ACLY: variants seen among roughly 807,000 people sequenced by gnomAD.
ACLY encodes ATP-citrate synthase.
ACLY carries 41 observed loss-of-function variants against 133.0 expected under a neutral mutation model. The observed-to-expected ratio is 0.31, with a 90% CI of 0.24 to 0.40. The LOEUF (loss-of-function observed/expected upper bound fraction) is 0.40. ACLY is among the 10% of genes least tolerant of loss of function. ACLY has a pLI of 1.00. For missense variants in ACLY, 1,046 were observed against 1,453.8 expected, an observed-to-expected ratio of 0.72 and a Z score of 4.56; for synonymous variants, 495 against 549.3, an observed-to-expected ratio of 0.90 and a Z score of 1.38.
In ACLY at chr17:41,884,237, A is replaced by G. The variant is rs2048993083; in HGVS notation, c.2110T>C (p.Tyr704His). 4 of 1,612,930 alleles carry G rather than the reference A, an allele frequency of 2.5e-6. No homozygotes were observed. The highest frequency in any genetic ancestry group is 3.4e-6 in the Non-Finnish European group (4 of 1,178,994). ...GSTFMDHVLR[Y>H]QDTPGVKMIV... ...ATTTTGACTCCTGGAGTGTCCTGAT[A>G]GCGTAACACATGATCCATGAATGTG... The change falls in exon 19 of 29, where the codon TAT becomes CAT. Residue 704 changes from tyrosine (Y) to histidine (H), a missense_variant. By Grantham distance (83) the Tyr-to-His change is moderately conservative (BLOSUM62 2). Coordinates refer to ENST00000352035, the MANE Select transcript of ACLY (RefSeq NM_001096.3).
At chr17:41,906,727 C>T in intron 7 of ACLY, 81 bp from the exon 8 acceptor site, 1 of 1,286,458 alleles carries the variant, frequency 7.8e-7, no homozygotes, top group Non-Finnish European at 1.1e-6. Flanking sequence ...TCCCCGCTTT[C>T]CCTGGAAGCA....
At chr17:41,880,511 ACT>A (rs1399583575) in intron 20 of ACLY, among the ~76,000 whole-genome samples, 3 of 152,166 alleles carry the variant, frequency 2.0e-5, no homozygotes, top group Admixed American at 6.5e-5. Flanking sequence ...GTTTCTTGTA[ACT>A]CTGGATTTCT....
chr17:41,916,531 G>A (rs1398008472), intron 1 of ACLY, among the ~76,000 whole-genome samples: 16 of 63,802 alleles, frequency 2.5e-4, no homozygotes, highest in African/African-American at 6.7e-4. Flanking sequence ...ACGCCACCAC[G>A]CCCATCTAAT....
chr17:41,911,148 G>A (rs2049890525), intron 3 of ACLY, among the ~76,000 whole-genome samples: 1 of 152,158 alleles, frequency 6.6e-6, no homozygotes, highest in African/African-American at 2.4e-5. Context: ...TACCCATGAG[G>A]GCCAGAAACT....
At chr17:41,880,324 C>T (rs140253022) in intron 20 of ACLY, among the ~76,000 whole-genome samples, 1 of 152,304 alleles carries the variant, frequency 6.6e-6, no homozygotes, top group African/African-American at 2.4e-5. Flanking sequence ...GTGCTCTTCA[C>T]CATGCAAACA....
At chr17:41,877,938 C>T (rs1432916708) in intron 22 of ACLY, among the ~76,000 whole-genome samples, 165 bp downstream of exon 22, 4 of 152,046 alleles carry the variant, frequency 2.6e-5, no homozygotes, top group Admixed American at 6.6e-5. Context: ...TTAATAAACT[C>T]TCCTTTATAT....
intron 25 of ACLY, among the ~76,000 whole-genome samples, chr17:41,869,805 T>C (rs2048554582): frequency 6.6e-6 from 1 of 152,192 alleles, no homozygotes. Context: ...ACAACCTTGG[T>C]AGGTTCTCAC....
intron 10 of ACLY, 88 bp from the exon 11 acceptor site, chr17:41,901,901 T>C (rs1268470934): frequency 2.9e-6 from 3 of 1,018,884 alleles, no homozygotes; most frequent in Non-Finnish European, 4.4e-6. Flanking sequence ...ACCAGGTATA[T>C]GTGACAAGTG....
intron 14 of ACLY, among the ~76,000 whole-genome samples, chr17:41,894,750 G>A (rs933821953): frequency 1.3e-5 from 2 of 152,066 alleles, no homozygotes; most frequent in Non-Finnish European, 1.5e-5. Context: ...CTTTTACCAC[G>A]CTTCAGGCAG....
intron 23 of ACLY, 45 bp downstream of exon 23, chr17:41,873,766 A>G: frequency 6.7e-7 from 1 of 1,495,282 alleles, no homozygotes; most frequent in Non-Finnish European, 9.0e-7. Flanking sequence ...AAAATCATTA[A>G]CTCTGAGCTG....
intron 11 of ACLY, among the ~76,000 whole-genome samples, chr17:41,900,395 A>AG (rs71155188): frequency 1.3e-5 from 2 of 150,602 alleles, no homozygotes; most frequent in African/African-American, 4.9e-5. Flanking sequence ...AAGAAAAAAA[A>AG]TTAACCCTAT....
At chr17:41,895,543 C>A (rs868961387) in intron 14 of ACLY, among the ~76,000 whole-genome samples, 2 of 152,220 alleles carry the variant, frequency 1.3e-5, no homozygotes, top group Admixed American at 6.5e-5. Context: ...AGGGCTCGCT[C>A]AGCCATAATC....
At position 41,905,765 on chromosome 17, in the gene ACLY, G is replaced by A. The variant is rs1485115552; in HGVS notation, c.867-107C>T. 56 of 1,395,156 alleles carry A rather than the reference G, an allele frequency of 4.0e-5. 1 individual carries two copies. The highest frequency in any genetic ancestry group is 2.8e-4 in the South Asian group (23 of 81,860). The allele number at this position is 1,395,156 out of a possible 1,614,324, so 86.4% of individuals were successfully genotyped here. On this transcript the variant is annotated intron_variant, in intron 8 of 28. Coordinates refer to ENST00000352035, the MANE Select transcript of ACLY (RefSeq NM_001096.3). ...TCCCTCAAAACACTGGAGTTAGCCT[G>A]TGGAACCGGCCTCTTGGATCTCCAG...
intron 20 of ACLY, among the ~76,000 whole-genome samples, chr17:41,882,304 T>A (rs1359205787): frequency 1.6e-5 from 2 of 123,560 alleles, no homozygotes; most frequent in Admixed American, 1.1e-4. Context: ...GAGGCGGAGG[T>A]TGCAGTGAGC....
intron 10 of ACLY, among the ~76,000 whole-genome samples, chr17:41,902,596 A>T (rs1338529356): frequency 6.6e-6 from 1 of 152,254 alleles, no homozygotes; most frequent in Non-Finnish European, 1.5e-5. Context: ...CTGTTTCTCA[A>T]GACAGAGGCT....
intron 6 of ACLY, among the ~76,000 whole-genome samples, chr17:41,908,501 C>T (rs1283737287): frequency 1.3e-5 from 2 of 152,218 alleles, no homozygotes; most frequent in Admixed American, 6.5e-5. Flanking sequence ...TGGTGGCTCA[C>T]GCCTGTAATC....
Position 41,909,530 on chromosome 17 carries a change from G to A in ACLY, c.516C>T (p.His172=), listed in dbSNP as rs781887705. The change falls in exon 5 of 29, where the codon CAC becomes CAT. Residue 172 remains histidine (H), a synonymous_variant. Coordinates refer to ENST00000352035, the MANE Select transcript of ACLY (RefSeq NM_001096.3). The stretch of plus-strand genomic sequence containing the variant: ...TCAACTCTTTCTTGTCTTCAGGGGC[G>A]TGGACCAACAGGTGTTTTTTGATGT... The part of the protein sequence containing the change: ...PEDIKKHLLV[H]APEDKKEILA... The A allele has an allele frequency of 1.2e-5, 20 of 1,614,112 alleles. No homozygotes were observed. The East Asian group carries it at 4.2e-4, about 34-fold the overall frequency.
intron 10 of ACLY, among the ~76,000 whole-genome samples, chr17:41,903,625 G>A (rs1325542497): frequency 2.0e-5 from 3 of 151,696 alleles, no homozygotes; most frequent in East Asian, 3.9e-4. Flanking sequence ...GTGTGGTGGC[G>A]GGCACCTGTA....
At position 41,892,240 on chromosome 17, in the gene ACLY, T is replaced by TGGGGGGGGGGGGGGGGGGGGGGGGGGGG; in HGVS notation, c.1770+38_1770+39insCCCCCCCCCCCCCCCCCCCCCCCCCCCC. ...CAGTGATCTACCTGCGCATAGTTCA[T>TGGGGGGGGGGGGGGGGGGGGGGGGGGGG]GGTCCCCACCCCCCACCCTCCAGAG... On this transcript the variant is annotated intron_variant, in intron 16 of 28. Coordinates refer to ENST00000352035, the MANE Select transcript of ACLY (RefSeq NM_001096.3). 4.5e-5 allele frequency: 18 copies of TGGGGGGGGGGGGGGGGGGGGGGGGGGGG among 400,158 alleles called. 2 individuals are homozygous for TGGGGGGGGGGGGGGGGGGGGGGGGGGGG. Among genetic ancestry groups the TGGGGGGGGGGGGGGGGGGGGGGGGGGGG allele is most frequent in the Non-Finnish European group, 6.4e-5 (16 of 251,756 alleles). The allele number at this position is 400,158 out of a possible 1,614,324, so 24.8% of individuals were successfully genotyped here.
Sources: allele counts gnomAD v4.1 joint callset (sites outside exome capture counted in the v4.1 genomes callset), GRCh38; gene constraint gnomAD v4.1.1; transcripts MANE v1.5; gene names NCBI Gene and HGNC (gene_info 2026-07-23, HGNC 2026-07-21).